SLC25A10: variants seen among roughly 807,000 people sequenced by gnomAD.
SLC25A10 encodes the protein mitochondrial dicarboxylate carrier.
In SLC25A10, 32 loss-of-function variants were observed where a neutral mutation model predicts 40.4. The ratio of observed to expected loss-of-function variants is 0.79; its 90% confidence interval spans 0.60 to 1.06. The LOEUF (loss-of-function observed/expected upper bound fraction) is 1.06. Among genes scored for constraint, SLC25A10 ranks in the 50% least tolerant of loss-of-function variants. The probability of loss-of-function intolerance (pLI) is 0.00; values close to 1 mark genes in which losing one functional copy is unlikely to be tolerated. For missense variants in SLC25A10, 394 were observed against 402.6 expected (o/e 0.98, Z 0.18); for synonymous variants, 181 against 171.1 (o/e 1.06, Z -0.45).
rs1381333892 is a variant in SLC25A10, at chr17:81,715,181, C to G, written c.213+109C>G. ...AGACTTTGTGCAAGGAAGGACCCAC[C>G]AGGCCGAGAGCTGGTGACCCCAGGG... On this transcript the variant is annotated intron_variant, in intron 2 of 10. Transcript: ENST00000350690. The G allele has an allele frequency of 5.4e-6, 8 of 1,478,964 alleles. No individual in the cohort carries two copies. In the East Asian group the frequency reaches 1.7e-4, roughly 31 times the overall value. The allele number at this position is 1,478,964 out of a possible 1,614,324, so 91.6% of individuals were successfully genotyped here. A position where few individuals can be genotyped will look rare whatever the true frequency, so the allele number is the denominator to read the frequency against.
chr17:81,716,661 G>A (rs1226689494), intron 5 of SLC25A10, 151 bp from the exon 6 acceptor site: 3 of 755,506 alleles, frequency 4.0e-6, no homozygotes, highest in Admixed American at 2.6e-5. Context: ...GGGACGTCAG[G>A]ACCAGCTTCA....
chr17:81,714,381 C>A (rs1164505606), intron 1 of SLC25A10, among the ~76,000 whole-genome samples: 1 of 152,200 alleles, frequency 6.6e-6, no homozygotes, highest in African/African-American at 2.4e-5. Flanking sequence ...GAGTGCCTGC[C>A]CACAGCTCCT....
chr17:81,716,143 C>G, intron 5 of SLC25A10, 93 bp downstream of exon 5: 1 of 1,401,122 alleles, frequency 7.1e-7, no homozygotes, highest in Non-Finnish European at 9.8e-7. Context: ...CCAGCTGAGG[C>G]TCCAGCAGGC....
rs2037479902 is a variant in SLC25A10, at chr17:81,716,020, A to T, written c.389A>T (p.Asp130Val). The T allele has an allele frequency of 6.3e-7, 1 of 1,592,712 alleles. No individual in the cohort carries two copies. The highest frequency in any genetic ancestry group is 1.1e-5 in the South Asian group (1 of 88,472). ...TGCTTCTGTTTCAGGATGCAGAACGACGTGAAGCTGCCCCAGGGTCAGCGG... is the reference window on the plus strand; with the variant it reads ...TGCTTCTGTTTCAGGATGCAGAACGTCGTGAAGCTGCCCCAGGGTCAGCGG... ...ADLVNVRMQN[D>V]VKLPQGQRRN... The change falls in exon 5 of 11, where the codon GAC (aspartate) becomes GTC (valine). Residue 130 changes from aspartate (D) to valine (V), a missense_variant. Coordinates refer to ENST00000350690, the MANE Select transcript of SLC25A10 (RefSeq NM_012140.5).
At position 81,720,750 on chromosome 17, in the gene SLC25A10, C is replaced by T. The variant is rs2144549926; in HGVS notation, c.*673C>T. The T allele has an allele frequency of 2.7e-6, 1 of 368,208 alleles. No homozygotes were observed. The highest frequency in any genetic ancestry group is 3.9e-5 in the East Asian group (1 of 25,394). 22.8% of individuals were successfully genotyped at this position (368,208 alleles called of 1,614,324 possible). A position where few individuals can be genotyped will look rare whatever the true frequency, so the allele number is the denominator to read the frequency against. On this transcript the variant is annotated 3_prime_UTR_variant, in exon 11 of 11. Transcript: ENST00000350690. ...GCAGTGGCTTTAACAGTTAGTTTTG[C>T]CAAAGCCTCTCCACTCACCAGCAGG...
chr17:81,716,955 GGCCTCACCCCTT>G lies in SLC25A10; in HGVS notation c.464-22_464-11del, dbSNP rs749908120. The G allele has an allele frequency of 3.7e-4, 582 of 1,588,350 alleles. 2 individuals are homozygous for G. The highest frequency in any genetic ancestry group is 1.6e-3 in the Admixed American group (93 of 58,234). On this transcript the variant is annotated intron_variant, in intron 6 of 10. Transcript: ENST00000350690. ...GCTGAGGGATTTGGGCCAGGTGCCT[GGCCTCACCCCTT>G]GCCTCACCCCTTGCCTCACCCCTTC...
At position 81,717,739 on chromosome 17, in the gene SLC25A10, G is replaced by C. The variant is rs760826682; in HGVS notation, c.628-45G>C. On this transcript the variant is annotated intron_variant, in intron 8 of 10. Coordinates refer to ENST00000350690, the MANE Select transcript of SLC25A10 (RefSeq NM_012140.5). ...CACGTGGGTGGGATTCGGCGATGGT[G>C]CCTGGCGTACCTGACAGGCCGCTGG... is the stretch of plus-strand genomic sequence containing the variant. 11 of 1,591,942 alleles carry C rather than the reference G, an allele frequency of 6.9e-6. 1 individual carries two copies. The South Asian group carries it at 1.2e-4, about 18-fold the overall frequency.
At position 81,717,001 on chromosome 17, in the gene SLC25A10, GAGGGTCTC is replaced by G. The variant is rs1568231075; in HGVS notation, c.467_474del (p.Gly156GlufsTer33). ...CCTTGCCTCACCCCTTCCTTGTGCAGAGGGTCTCAGGAGACTGTTCTCGGGTGCAACCA... is the reference window on the plus strand; with the variant it reads ...CCTTGCCTCACCCCTTCCTTGTGCAGAGGAGACTGTTCTCGGGTGCAACCA... On this transcript the variant is annotated frameshift_variant and splice_region_variant, in exon 7 of 11. Transcript: ENST00000350690. LOFTEE classifies it high-confidence loss of function. The G allele has an allele frequency of 6.5e-7, 1 of 1,543,390 alleles. No individual in the cohort carries two copies. The highest frequency in any genetic ancestry group is 8.9e-7 in the Non-Finnish European group (1 of 1,129,582).
In SLC25A10 at chr17:81,718,688, G is replaced by A. The variant is rs369680173; in HGVS notation, c.705+827G>A. Among the ~76,000 whole-genome samples the A allele has an allele frequency of 5.3e-5, 8 of 150,470 alleles. No homozygotes were observed. The South Asian group carries it at 1.5e-3, about 28-fold the overall frequency. On this transcript the variant is annotated intron_variant, in intron 9 of 10. Coordinates refer to ENST00000350690, the MANE Select transcript of SLC25A10 (RefSeq NM_012140.5). ...TTTTCGGCCAGGCACGGTGGCTCACGCCTGTAATCCCAACACTTTGGGAGG... is the reference window on the plus strand; with the variant it reads ...TTTTCGGCCAGGCACGGTGGCTCACACCTGTAATCCCAACACTTTGGGAGG...
rs200232975 is a variant in SLC25A10, at chr17:81,717,768, C to T, written c.628-16C>T. ...GGCGTACCTGACAGGCCGCTGGTGA[C>T]GAGCCCCCTCCTCAGGGTGGATGTG... On this transcript the variant is annotated splice_polypyrimidine_tract_variant and intron_variant, in intron 8 of 10. Coordinates refer to ENST00000350690, the MANE Select transcript of SLC25A10 (RefSeq NM_012140.5). The T allele has an allele frequency of 1.8e-4, 287 of 1,608,356 alleles. No individual in the cohort carries two copies. Among genetic ancestry groups the T allele is most frequent in the South Asian group, 9.8e-4 (88 of 90,238 alleles).
intron 5 of SLC25A10, 97 bp from the exon 6 acceptor site, chr17:81,716,715 C>T (rs770783675): frequency 7.6e-7 from 1 of 1,316,534 alleles, no homozygotes; most frequent in Non-Finnish European, 1.1e-6. Context: ...CCTCTGCTTC[C>T]TCGAGAACCC....
Position 81,720,021 on chromosome 17 carries a change from A to G in SLC25A10, c.808A>G (p.Thr270Ala), listed in dbSNP as rs1282770133. The change falls in exon 11 of 11, where the codon ACT (threonine) becomes GCT (alanine). Residue 270 changes from threonine to alanine, a missense_variant. Thr to Ala is a moderately conservative substitution (Grantham distance 58, BLOSUM62 0). Coordinates refer to ENST00000350690, the MANE Select transcript of SLC25A10 (RefSeq NM_012140.5). The part of the protein sequence containing the change: ...GIRLIPHTVL[T>A]FVFLEQLRKN... ...CCGCCTCATCCCCCACACCGTGCTC[A>G]CTTTTGTGTTTCTGGAACAGCTACG... 1 of 1,613,560 alleles carries G rather than the reference A, an allele frequency of 6.2e-7. No homozygotes were observed. Among genetic ancestry groups the G allele is most frequent in the Admixed American group, 1.7e-5 (1 of 60,016 alleles).
Position 81,715,753 on chromosome 17 carries a change from C to G in SLC25A10, c.377+12C>G, listed in dbSNP as rs201834729. ...TTGGTCAACGTCAGGTTGGTGTTCC[C>G]CCACCCCACCTGCAAGGCCAGGGGC... On this transcript the variant is annotated intron_variant, in intron 4 of 10. Transcript: ENST00000350690. 4.5e-4 allele frequency: 725 copies of G among 1,613,136 alleles called. 1 individual carries two copies. The highest frequency in any genetic ancestry group is 5.9e-4 in the Non-Finnish European group (698 of 1,179,868).
intron 9 of SLC25A10, 87 bp from the exon 10 acceptor site, chr17:81,719,744 C>G: frequency 6.6e-7 from 1 of 1,515,644 alleles, no homozygotes; most frequent in Non-Finnish European, 9.1e-7. Context: ...CCCAGGCCAC[C>G]GTGCCTGGCT....
chr17:81,713,825 CT>C lies in SLC25A10; in HGVS notation c.94-1127del, dbSNP rs1364226205. 4.6e-5 allele frequency among the ~76,000 whole-genome samples: 7 copies of C among 152,366 alleles called. No individual in the cohort carries two copies. The South Asian group carries it at 1.0e-3, about 23-fold the overall frequency. ...CCCTCCCCAACCAGGCGCTCTCTGG[CT>C]GCAGAACACCGCCTGGGGGAGGCGG... On this transcript the variant is annotated intron_variant, in intron 1 of 10. Transcript: ENST00000350690.
In SLC25A10 at chr17:81,719,876, G is replaced by A; in HGVS notation, c.751G>A (p.Ala251Thr). Residue 251 changes from alanine (A) to threonine (T), a missense_variant, in exon 10 of 11, where the codon GCC (alanine) becomes ACC (threonine). Physicochemically the swap from Ala to Thr is moderately conservative, Grantham distance 58. Transcript: ENST00000350690. ...AVETAKLGPLAFYKGLVPAGI... is the reference protein window; with the variant it reads ...AVETAKLGPLTFYKGLVPAGI... ...GGAGACAGCGAAGCTCGGGCCTCTG[G>A]CCTTTTACAAGGTGCAGTGGTGGCG... 6.2e-7 allele frequency: 1 copy of A among 1,613,820 alleles called. No homozygotes were observed.
rs754241399 is a variant in SLC25A10, at chr17:81,715,059, C to T, written c.200C>T (p.Ser67Leu). The change falls in exon 2 of 11, where the codon TCG (serine) becomes TTG (leucine). Residue 67 changes from serine to leucine, a missense_variant. Physicochemically the swap from Ser to Leu is moderately radical, Grantham distance 145 (BLOSUM62 -2). Transcript: ENST00000350690. ...ILALYSGLSASLCRQMTYSLT... is the reference protein window; with the variant it reads ...ILALYSGLSALLCRQMTYSLT... ...GCACTCTACAGCGGCCTGAGCGCCT[C>T]GCTGTGCAGACAGGTGCGTGGTGTG... 1.7e-5 allele frequency: 27 copies of T among 1,609,856 alleles called. No individual in the cohort carries two copies. The highest frequency in any genetic ancestry group is 2.2e-5 in the South Asian group (2 of 90,994).
In SLC25A10 at chr17:81,713,378, T is replaced by A. The variant is rs2037421251; in HGVS notation, c.93+859T>A. 4 of 910,872 alleles carry A rather than the reference T, an allele frequency of 4.4e-6. No individual in the cohort carries two copies. The South Asian group carries it at 2.0e-4, about 46-fold the overall frequency. 56.4% of individuals were successfully genotyped at this position (910,872 alleles called of 1,614,324 possible). On this transcript the variant is annotated intron_variant, in intron 1 of 10. Transcript: ENST00000350690. ...CCCTGCCCTGTGAACCTGGCTGTGG[T>A]CACTGGGCAGCCGCCTGTCTAGGGG...
At chr17:81,719,480 G>C (rs533493377) in intron 9 of SLC25A10, among the ~76,000 whole-genome samples, 1 of 152,304 alleles carries the variant, frequency 6.6e-6, no homozygotes, top group East Asian at 1.9e-4. Flanking sequence ...GGGCTTCCAC[G>C]TTTGCAGAGC....
Sources: gnomAD v4.1 joint callset for allele counts (sites outside exome capture counted in the v4.1 genomes callset) on GRCh38, gnomAD v4.1.1 for gene constraint, MANE v1.5 for transcripts, NCBI Gene and HGNC (gene_info 2026-07-23, HGNC 2026-07-21) for gene names.